PSD3: variants seen among roughly 807,000 people sequenced by gnomAD.
PSD3 encodes pleckstrin and Sec7 domain containing 3, also known as PH and SEC7 domain-containing protein 3.
In PSD3, 49 loss-of-function variants were observed where a neutral mutation model predicts 105.5. The ratio of observed to expected loss-of-function variants is 0.46; its 90% CI spans 0.37 to 0.59. The LOEUF is 0.59. Ranked by LOEUF, PSD3 falls within the 20% of genes least tolerant of loss-of-function variation. The pLI is 0.00. For synonymous variants in PSD3, 557 were observed against 457.8 expected (o/e 1.22, Z -2.77); for missense variants, 1,561 against 1,263.8 (o/e 1.24, Z -3.57).
At chr8:18,828,993 G>A (rs1024223092) in intron 4 of PSD3, among the ~76,000 whole-genome samples, 2 of 152,104 alleles carry the variant, frequency 1.3e-5, no homozygotes, top group Non-Finnish European at 2.9e-5. Flanking sequence ...GACGGCTTGA[G>A]CCTGGGAGGC....
chr8:19,035,674 A>G (rs1827917586), intron 1 of PSD3, among the ~76,000 whole-genome samples: 1 of 151,684 alleles, frequency 6.6e-6, no homozygotes, highest in African/African-American at 2.4e-5. Context: ...AATTTTAACC[A>G]ACATTATACA....
In PSD3 at chr8:18,649,816, G is replaced by A. The variant is rs578180786; in HGVS notation, c.2216+5826C>T. Among the ~76,000 whole-genome samples the A allele has an allele frequency of 4.6e-5, 7 of 152,130 alleles. No individual in the cohort carries two copies. The South Asian group carries it at 1.5e-3, about 32-fold the overall frequency. On this transcript the variant is annotated intron_variant, in intron 10 of 15. Transcript: ENST00000327040. ...AGTGAGTAAGTTATTGTGAGATCTGGTTGTTTAAAAGTGTGGCACTTCCAC... is the reference window on the plus strand; with the variant it reads ...AGTGAGTAAGTTATTGTGAGATCTGATTGTTTAAAAGTGTGGCACTTCCAC...
chr8:19,026,348 A>T (rs10089444), intron 1 of PSD3, among the ~76,000 whole-genome samples: 8,926 of 152,120 alleles, frequency 0.059, 787 homozygotes, highest in African/African-American at 0.2. Context: ...GCTTTATTAA[A>T]AGCAATCTTT....
At chr8:18,801,405 AAC>A (rs760809904) in intron 6 of PSD3, 23 bp from the exon 7 acceptor site, 2 of 1,465,124 alleles carry the variant, frequency 1.4e-6, no homozygotes, top group Non-Finnish European at 1.9e-6. Context: ...TAAAAATTTA[AAC>A]AGTGAAATTT....
intron 10 of PSD3, among the ~76,000 whole-genome samples, chr8:18,633,694 C>G (rs1274701977): frequency 6.6e-6 from 1 of 152,066 alleles, no homozygotes; most frequent in African/African-American, 2.4e-5. Context: ...CATGATTTTG[C>G]TACTGTGAAT....
intron 4 of PSD3, among the ~76,000 whole-genome samples, chr8:18,838,221 G>C (rs903686265): frequency 1.3e-5 from 2 of 152,230 alleles, no homozygotes; most frequent in African/African-American, 4.8e-5. Context: ...TGACAGTAGC[G>C]CTTCAGTTCT....
intron 1 of PSD3, among the ~76,000 whole-genome samples, chr8:18,941,289 A>C (rs1586484340): frequency 6.6e-6 from 1 of 152,192 alleles, no homozygotes; most frequent in East Asian, 1.9e-4. Context: ...ACGCAGTCTC[A>C]CACAAATGCT....
chr8:18,618,867 G>C (rs1285569964), intron 11 of PSD3, among the ~76,000 whole-genome samples: 3 of 151,880 alleles, frequency 2.0e-5, no homozygotes, highest in Non-Finnish European at 4.4e-5. Context: ...CTTTTATTTT[G>C]TAGAGATGGG....
intron 1 of PSD3, among the ~76,000 whole-genome samples, chr8:18,970,324 C>CAAAAAAAAAA (rs11450922): frequency 1.8e-4 from 8 of 45,302 alleles, no homozygotes; most frequent in Admixed American, 4.4e-4. Flanking sequence ...GACTCTGCCT[C>CAAAAAAAAAA]AAAAAAAAAA....
At chr8:18,908,556 C>T (rs1267571594) in intron 2 of PSD3, among the ~76,000 whole-genome samples, 2 of 152,198 alleles carry the variant, frequency 1.3e-5, no homozygotes, top group Admixed American at 6.5e-5. Flanking sequence ...CATATGATAA[C>T]CACATATCCC....
rs184223187 is a variant in PSD3 at position 18,949,830 on chromosome 8, T to C, written c.22-13688A>G. Among the ~76,000 whole-genome samples the C allele has an allele frequency of 2.0e-4, 30 of 152,182 alleles. No homozygotes were observed. The East Asian group carries it at 5.4e-3, about 27-fold the overall frequency. Reference sequence around the variant, plus strand: ...AATTTAGCAAAAAATTTCACATCAGTTCTCAGACGAATAACACTATCTCTC... The same window carrying C: ...AATTTAGCAAAAAATTTCACATCAGCTCTCAGACGAATAACACTATCTCTC... On this transcript the variant is annotated intron_variant, in intron 1 of 15. Transcript: ENST00000327040.
rs201114349 is a variant in PSD3, at chr8:18,648,129, AT to A, written c.2216+7512del. 8.8e-3 allele frequency among the ~76,000 whole-genome samples: 1,141 copies of A among 129,522 alleles called. 17 individuals are homozygous for A. Among genetic ancestry groups the A allele is most frequent in the African/African-American group, 0.032 (1,091 of 34,098 alleles). 85.0% of individuals were successfully genotyped at this position (129,522 alleles called of 152,430 possible). A position where few individuals can be genotyped will look rare whatever the true frequency, so the allele number is the denominator to read the frequency against. Reference sequence around the variant, plus strand: ...GGGTCCCAAGAAGTGGGGAATTGCTATAAAAAATACCTGAAAATGTAGCAGC... The same window carrying A: ...GGGTCCCAAGAAGTGGGGAATTGCTAAAAAAATACCTGAAAATGTAGCAGC... On this transcript the variant is annotated intron_variant, in intron 10 of 15. Transcript: ENST00000327040.
At chr8:18,828,419 A>G (rs1261865363) in intron 4 of PSD3, among the ~76,000 whole-genome samples, 1 of 152,138 alleles carries the variant, frequency 6.6e-6, no homozygotes, top group South Asian at 2.1e-4. Context: ...CAACCAAGTG[A>G]CCACATTCAA....
chr8:18,998,616 G>A (rs1299517822), intron 1 of PSD3, among the ~76,000 whole-genome samples: 1 of 152,030 alleles, frequency 6.6e-6, no homozygotes, highest in African/African-American at 2.4e-5. Context: ...GAACGCGGGA[G>A]GCGGAGGTTG....
chr8:18,710,146 A>G (rs945372759), intron 9 of PSD3, among the ~76,000 whole-genome samples: 1 of 152,222 alleles, frequency 6.6e-6, no homozygotes, highest in African/African-American at 2.4e-5. Flanking sequence ...AGAGAGGAAC[A>G]TAAATGACCT....
At chr8:18,619,390 A>C (rs1805942212) in intron 11 of PSD3, among the ~76,000 whole-genome samples, 1 of 152,174 alleles carries the variant, frequency 6.6e-6, no homozygotes, top group African/African-American at 2.4e-5. Flanking sequence ...CATGCCTGTA[A>C]TCCCAGCATT....
intron 11 of PSD3, among the ~76,000 whole-genome samples, chr8:18,610,349 T>C (rs1203731413): frequency 6.6e-6 from 1 of 152,234 alleles, no homozygotes; most frequent in East Asian, 1.9e-4. Flanking sequence ...TGGTTGTACT[T>C]CAACCACTCA....
intron 9 of PSD3, among the ~76,000 whole-genome samples, chr8:18,725,351 A>T (rs576472158): frequency 2.6e-5 from 4 of 152,370 alleles, no homozygotes; most frequent in African/African-American, 9.6e-5. Context: ...AAGTAGGATC[A>T]GATCTTCAAA....
At chr8:18,825,414 C>T (rs564698603) in intron 4 of PSD3, among the ~76,000 whole-genome samples, 1 of 152,116 alleles carries the variant, frequency 6.6e-6, no homozygotes, top group Non-Finnish European at 1.5e-5. Flanking sequence ...GGGTGCAACC[C>T]GGTTTGAGAA....
Sources: gnomAD v4.1 joint callset for allele counts (sites outside exome capture counted in the v4.1 genomes callset) on GRCh38, gnomAD v4.1.1 for gene constraint, MANE v1.5 for transcripts, NCBI Gene and HGNC (gene_info 2026-07-23, HGNC 2026-07-21) for gene names.